RREB1: variants seen among roughly 807,000 people sequenced by gnomAD.
RREB1 encodes the protein ras responsive element binding protein 1, also known as ras-responsive element-binding protein 1.
In RREB1, 27 loss-of-function variants were observed where a neutral mutation model predicts 117.8. The ratio of observed to expected loss-of-function variants is 0.23; its 90% CI spans 0.17 to 0.32. RREB1 has a LOEUF of 0.32. Ranked by LOEUF, RREB1 falls within the 10% of genes least tolerant of loss-of-function variation. The pLI, the probability that RREB1 is intolerant of heterozygous loss-of-function variation, is 1.00. For missense variants in RREB1, 2,577 were observed against 2,378.2 expected (o/e 1.08, Z -1.74); for synonymous variants, 1,298 against 1,026.7 (o/e 1.26, Z -5.05).
In RREB1 at chr6:7,229,788, G is replaced by A. The variant is rs777841940; in HGVS notation, c.1689G>A (p.Leu563=). The A allele has an allele frequency of 1.9e-6, 3 of 1,608,540 alleles. No individual in the cohort carries two copies. The highest frequency in any genetic ancestry group is 8.5e-7 in the Non-Finnish European group (1 of 1,176,864). The change falls in exon 10 of 13, where the codon CTG becomes CTA. Residue 563 remains leucine (L), a synonymous_variant. Coordinates refer to ENST00000379938, the MANE Select transcript of RREB1 (RefSeq NM_001003699.4). The surrounding 1 kb of genome is among the most constrained non-coding windows in gnomAD (Gnocchi z 4.5). ...AGGCGGCCTCCAACGCCCACCTGCTGCAGTCCAAGTCCGGGACCCAGCCCC... is the reference window on the plus strand; with the variant it reads ...AGGCGGCCTCCAACGCCCACCTGCTACAGTCCAAGTCCGGGACCCAGCCCC... ...SVEAASNAHL[L]QSKSGTQPHA...
At chr6:7,169,199 A>C (rs1015620022) in intron 1 of RREB1, among the ~76,000 whole-genome samples, 1 of 152,218 alleles carries the variant, frequency 6.6e-6, no homozygotes, top group African/African-American at 2.4e-5. Flanking sequence ...CTGATAAGCC[A>C]GGAGAGCAGA....
intron 10 of RREB1, among the ~76,000 whole-genome samples, chr6:7,240,128 C>T (rs529463052): frequency 4.6e-5 from 7 of 152,138 alleles, no homozygotes; most frequent in South Asian, 2.1e-4. Flanking sequence ...TCTCTTCATT[C>T]GCTTTTTTTT....
intron 7 of RREB1, among the ~76,000 whole-genome samples, chr6:7,211,338 A>AGATGGACG (rs1554124726): frequency 4.2e-5 from 5 of 118,674 alleles, no homozygotes; most frequent in Admixed American, 3.6e-4. Context: ...ATGGATGGAC[A>AGATGGACG]GATGGATGGA....
chr6:7,129,223 G>A (rs571560076), intron 1 of RREB1, among the ~76,000 whole-genome samples: 1 of 152,234 alleles, frequency 6.6e-6, no homozygotes, highest in Non-Finnish European at 1.5e-5. Flanking sequence ...ACAAGTAGGG[G>A]CTGAGAGCCC....
chr6:7,231,157 T>C lies in RREB1; in HGVS notation c.3058T>C (p.Ser1020Pro). The change falls in exon 10 of 13, where the codon TCC (serine) becomes CCC (proline). Residue 1020 changes from serine (S) to proline (P), a missense_variant. By Grantham distance (74) the Ser-to-Pro change is moderately conservative (BLOSUM62 -1). Transcript: ENST00000379938. Reference sequence around the variant, plus strand: ...TGTTCAGCTGGCGGTCCCAATCTACTCCTCAGCCCTGGTCAGCAGCCCTCC... The same window carrying C: ...TGTTCAGCTGGCGGTCCCAATCTACCCCTCAGCCCTGGTCAGCAGCCCTCC... ...GPVQLAVPIYSSALVSSPPLV... is the reference protein window; with the variant it reads ...GPVQLAVPIYPSALVSSPPLV... 1 of 1,611,926 alleles carries C rather than the reference T, an allele frequency of 6.2e-7. No homozygotes were observed. Among genetic ancestry groups the C allele is most frequent in the Non-Finnish European group, 8.5e-7 (1 of 1,179,504 alleles).
chr6:7,176,347 G>A (rs1764498749), intron 1 of RREB1, among the ~76,000 whole-genome samples: 1 of 152,146 alleles, frequency 6.6e-6, no homozygotes, highest in South Asian at 2.1e-4. Flanking sequence ...TAGGATGCAC[G>A]AAGCTCCCCC....
intron 1 of RREB1, among the ~76,000 whole-genome samples, chr6:7,156,962 T>C (rs1351024132): frequency 6.6e-6 from 1 of 152,164 alleles, no homozygotes; most frequent in African/African-American, 2.4e-5. Flanking sequence ...GCCCCTCTGT[T>C]CAGCTTCGTC....
chr6:7,109,783 C>T (rs1761046092), intron 1 of RREB1, among the ~76,000 whole-genome samples: 1 of 152,204 alleles, frequency 6.6e-6, no homozygotes, highest in Non-Finnish European at 1.5e-5. Context: ...CAGCAGCACA[C>T]ATTCGGGGCA....
intron 6 of RREB1, among the ~76,000 whole-genome samples, chr6:7,203,557 C>A (rs926630799): frequency 4.6e-5 from 7 of 152,114 alleles, no homozygotes; most frequent in African/African-American, 1.2e-4. Context: ...TGACCCCATG[C>A]CTGGGTTTGG....
At chr6:7,153,083 A>C (rs940728607) in intron 1 of RREB1, among the ~76,000 whole-genome samples, 13 of 140,822 alleles carry the variant, frequency 9.2e-5, no homozygotes, top group Non-Finnish European at 1.7e-4. Flanking sequence ...ACAGTGAAGG[A>C]GGTATTAATC....
chr6:7,122,259 A>C (rs1244286245), intron 1 of RREB1, among the ~76,000 whole-genome samples: 1 of 151,602 alleles, frequency 6.6e-6, no homozygotes, highest in Non-Finnish European at 1.5e-5. Flanking sequence ...TCTCTCTCTC[A>C]TTTTTTTTCT....
intron 11 of RREB1, among the ~76,000 whole-genome samples, chr6:7,241,798 G>T (rs573568105): frequency 5.9e-4 from 90 of 152,296 alleles, no homozygotes; most frequent in African/African-American, 2.1e-3. Flanking sequence ...TCCTCTGAGG[G>T]TATGAAAGGG....
intron 1 of RREB1, among the ~76,000 whole-genome samples, chr6:7,169,880 C>T (rs926409900): frequency 1.1e-4 from 17 of 152,206 alleles, no homozygotes; most frequent in African/African-American, 4.1e-4. Context: ...GTTTTAAATA[C>T]TCAATCTGAC....
chr6:7,226,632 T>G lies in RREB1; in HGVS notation c.873T>G (p.Cys291Trp). The G allele has an allele frequency of 6.2e-7, 1 of 1,614,088 alleles. No homozygotes were observed. The highest frequency in any genetic ancestry group is 1.1e-5 in the South Asian group (1 of 91,076). ...ACTTAGGATTCACGGACTTCTCCTG[T>G]AGGAAGTTTCCTCGCATTTCTCAGG... ...FHDLGFTDFSCRKFPRISQAW... is the reference protein window; with the variant it reads ...FHDLGFTDFSWRKFPRISQAW... The change falls in exon 9 of 13, where the codon TGT becomes TGG. Residue 291 changes from cysteine to tryptophan, a missense_variant. Transcript: ENST00000379938.
intron 8 of RREB1, among the ~76,000 whole-genome samples, chr6:7,221,200 C>T (rs1468347212): frequency 2.6e-5 from 4 of 151,044 alleles, no homozygotes; most frequent in Non-Finnish European, 2.9e-5. Context: ...CTCGCTCTGT[C>T]GCCCAGGCCG....
At chr6:7,236,397 A>G (rs905448510) in intron 10 of RREB1, among the ~76,000 whole-genome samples, 3 of 152,112 alleles carry the variant, frequency 2.0e-5, no homozygotes, top group Non-Finnish European at 4.4e-5. Flanking sequence ...TCTATCTGGC[A>G]GTGAGGGTCA....
In RREB1 at chr6:7,230,243, A is replaced by G. The variant is rs1348464400; in HGVS notation, c.2144A>G (p.Glu715Gly). The change falls in exon 10 of 13, where the codon GAG becomes GGG. Residue 715 changes from glutamate to glycine, a missense_variant. By Grantham distance (98) the Glu-to-Gly change is moderately conservative. Transcript: ENST00000379938. ...CCCTTCACTGTCAAAGCCAACTGCGAGCGGCACCTGCGCAAGAAGCACCTC... is the reference window on the plus strand; with the variant it reads ...CCCTTCACTGTCAAAGCCAACTGCGGGCGGCACCTGCGCAAGAAGCACCTC... The part of the protein sequence containing the change: ...HYPFTVKANC[E>G]RHLRKKHLKA... The G allele has an allele frequency of 6.2e-7, 1 of 1,602,820 alleles. No individual in the cohort carries two copies. The highest frequency in any genetic ancestry group is 8.5e-7 in the Non-Finnish European group (1 of 1,179,810).
chr6:7,145,939 G>A (rs1291145203), intron 1 of RREB1, among the ~76,000 whole-genome samples: 2 of 150,500 alleles, frequency 1.3e-5, no homozygotes, highest in African/African-American at 5.0e-5. Context: ...AGAACAGGTT[G>A]GGCAAGACTG....
chr6:7,238,881 TC>T (rs2113157975), intron 10 of RREB1, among the ~76,000 whole-genome samples: 1 of 152,334 alleles, frequency 6.6e-6, no homozygotes, highest in Admixed American at 6.5e-5. Context: ...GGAATCAATG[TC>T]CCCTGTCTCT....
Sources: allele counts gnomAD v4.1 joint callset (sites outside exome capture counted in the v4.1 genomes callset), GRCh38; gene constraint gnomAD v4.1.1; non-coding constraint Gnocchi (gnomAD v3.1); transcripts MANE v1.5; gene names NCBI Gene and HGNC (gene_info 2026-07-23, HGNC 2026-07-21).